GDAP2: variants seen among roughly 807,000 people sequenced by gnomAD.
GDAP2 encodes the protein ganglioside-induced differentiation-associated protein 2.
A neutral mutation model predicts 67.0 loss-of-function variants in GDAP2; 51 were observed. The ratio of observed to expected loss-of-function variants is 0.76; its 90% CI spans 0.61 to 0.96. The LOEUF (loss-of-function observed/expected upper bound fraction) is 0.96, where lower values mean the gene tolerates loss of function less well. GDAP2 is among the 40% of genes least tolerant of loss of function. The pLI is 0.00. For synonymous variants in GDAP2, 203 were observed against 207.3 expected, an observed-to-expected ratio of 0.98 and a Z score of 0.18; for missense variants, 547 against 588.3, an observed-to-expected ratio of 0.93 and a Z score of 0.73.
intron 5 of GDAP2, among the ~76,000 whole-genome samples, chr1:117,910,421 T>C (rs188741456): frequency 2.0e-5 from 3 of 152,294 alleles, no homozygotes; most frequent in Admixed American, 2.0e-4. Flanking sequence ...CTCAGTCTAA[T>C]GTAATGTATA....
rs112579525 is a variant in GDAP2, at chr1:117,878,033, A to C, written c.1422T>G (p.Pro474=). The part of the protein sequence containing the change: ...AISPEQIDFP[P]FVLEYDAREN... ...CCCTGGCATCATATTCAAGGACAAA[A>C]GGAGGAAAGTCAATCTGTTCTGGTG... The change falls in exon 13 of 14, where the codon CCT becomes CCG. Residue 474 remains proline, a synonymous_variant. Coordinates refer to ENST00000369443, the MANE Select transcript of GDAP2 (RefSeq NM_017686.4). 11 of 1,612,946 alleles carry C rather than the reference A, an allele frequency of 6.8e-6. No individual in the cohort carries two copies. Among genetic ancestry groups the C allele is most frequent in the Middle Eastern group, 1.7e-4 (1 of 6,058 alleles).
At chr1:117,889,669 TAA>T (rs769446447) in intron 8 of GDAP2, among the ~76,000 whole-genome samples, 11 of 152,200 alleles carry the variant, frequency 7.2e-5, no homozygotes, top group East Asian at 3.9e-4. Context: ...AATAATTTGT[TAA>T]GAGACAAAAA....
intron 13 of GDAP2, among the ~76,000 whole-genome samples, chr1:117,873,742 A>T (rs1231517919): frequency 1.1e-4 from 17 of 152,186 alleles, no homozygotes; most frequent in Admixed American, 1.1e-3. Flanking sequence ...CAACATATCC[A>T]CCAAGTCTCC....
chr1:117,879,348 T>C (rs1028853097), intron 12 of GDAP2, among the ~76,000 whole-genome samples: 2 of 152,112 alleles, frequency 1.3e-5, no homozygotes, highest in African/African-American at 4.8e-5. Context: ...AGTTCAGGAA[T>C]AGGTGGAAGA....
chr1:117,916,043 T>C (rs1020644953), intron 3 of GDAP2, among the ~76,000 whole-genome samples: 7 of 152,184 alleles, frequency 4.6e-5, no homozygotes, highest in Non-Finnish European at 7.4e-5. Flanking sequence ...CAACTTATAG[T>C]AGTAATAAAA....
At chr1:117,876,667 CAA>C (rs1484193379) in intron 13 of GDAP2, among the ~76,000 whole-genome samples, 1 of 152,046 alleles carries the variant, frequency 6.6e-6, no homozygotes, top group African/African-American at 2.4e-5. Flanking sequence ...ATAAAACAGC[CAA>C]AATACACAAC....
At chr1:117,907,658 C>A (rs1649703920) in intron 5 of GDAP2, among the ~76,000 whole-genome samples, 1 of 152,116 alleles carries the variant, frequency 6.6e-6, no homozygotes, top group African/African-American at 2.4e-5. Flanking sequence ...ACTTTTAATT[C>A]TATTGCTAAT....
In GDAP2 at chr1:117,887,727, A is replaced by G. The variant is rs986371211; in HGVS notation, c.1001T>C (p.Ile334Thr). 9 of 1,578,696 alleles carry G rather than the reference A, an allele frequency of 5.7e-6. No individual in the cohort carries two copies. In the African/African-American group the frequency reaches 6.7e-5, roughly 12 times the overall value. The part of the protein sequence containing the change: ...CQARSEDLSD[I>T]ASLKALYQTG... ...TTGGTATAAGGCTTTTAGAGAAGCA[A>G]TATCAGACAGATCCTCAGATCTTGC... The change falls in exon 9 of 14, where the codon ATT (isoleucine) becomes ACT (threonine). Residue 334 changes from isoleucine to threonine, a missense_variant. Physicochemically the swap from Ile to Thr is moderately conservative, Grantham distance 89. Transcript: ENST00000369443.
rs1570956287 is a variant in GDAP2 at position 117,863,591 on chromosome 1, G to C, written c.*6978C>G. ...CAGCACATCATACAATTTTTAAAAG[G>C]AAATTTAGCTATTTACCCCTCTACA... On this transcript the variant is annotated 3_prime_UTR_variant, in exon 14 of 14. Coordinates refer to ENST00000369443, the MANE Select transcript of GDAP2 (RefSeq NM_017686.4). The C allele has an allele frequency of 6.6e-6, 1 of 152,060 alleles. No individual in the cohort carries two copies. The highest frequency in any genetic ancestry group is 2.4e-5 in the African/African-American group (1 of 41,388). 9.4% of individuals were successfully genotyped at this position (152,060 alleles called of 1,614,324 possible).
chr1:117,911,543 C>T (rs1215956696), intron 5 of GDAP2, among the ~76,000 whole-genome samples: 1 of 151,854 alleles, frequency 6.6e-6, no homozygotes, highest in Admixed American at 6.6e-5. Flanking sequence ...TTTTGGGGGC[C>T]GTCCAATTCA....
chr1:117,917,856 C>T (rs1650104473), intron 3 of GDAP2, among the ~76,000 whole-genome samples: 2 of 152,146 alleles, frequency 1.3e-5, no homozygotes, highest in Admixed American at 6.5e-5. Context: ...TCTTCAATAT[C>T]CTTTCTAGTT....
Position 117,920,305 on chromosome 1 carries a change from C to T in GDAP2, c.53G>A (p.Ser18Asn). The change falls in exon 2 of 14, where the codon AGC becomes AAC. Residue 18 changes from serine (S) to asparagine (N), a missense_variant. Transcript: ENST00000369443. Reference protein sequence around the residue: ...SQFVDVDTLPSWGDSCQDELN... With the variant: ...SQFVDVDTLPNWGDSCQDELN... ...TTCATCTTGGCATGAGTCACCCCAG[C>T]TTGGTAGTGTATCCACATCCACAAA... 1 of 1,609,900 alleles carries T rather than the reference C, an allele frequency of 6.2e-7. No individual in the cohort carries two copies. The highest frequency in any genetic ancestry group is 8.5e-7 in the Non-Finnish European group (1 of 1,177,036).
intron 7 of GDAP2, among the ~76,000 whole-genome samples, chr1:117,898,304 G>C (rs1404331775): frequency 6.6e-6 from 1 of 152,158 alleles, no homozygotes; most frequent in Non-Finnish European, 1.5e-5. Flanking sequence ...AGCAAAGTTT[G>C]GTTTCCAGAT....
At chr1:117,884,138 T>G (rs1648766898) in intron 10 of GDAP2, among the ~76,000 whole-genome samples, 1 of 152,162 alleles carries the variant, frequency 6.6e-6, no homozygotes, top group African/African-American at 2.4e-5. Flanking sequence ...GTGCCTCACA[T>G]GATTCACGTT....
At chr1:117,912,441 AATCTTTAAAAACTGGGGCCTTT>A (rs1220052740) in intron 4 of GDAP2, 67 bp downstream of exon 4, 87 of 1,182,074 alleles carry the variant, frequency 7.4e-5, no homozygotes, top group Middle Eastern at 2.9e-4. Context: ...CTAGGTTTTT[AATCTTTAAAAACTGGGGCCTTT>A]ATCTTTAAAA....
chr1:117,905,123 T>C (rs1431240449), intron 6 of GDAP2, among the ~76,000 whole-genome samples: 2 of 152,336 alleles, frequency 1.3e-5, no homozygotes, highest in South Asian at 2.1e-4. Context: ...TCATTTCTCA[T>C]GTGGAGTACT....
chr1:117,929,424 C>T (rs1650602916), intron 1 of GDAP2, 24 bp downstream of exon 1: 1 of 153,330 alleles, frequency 6.5e-6, no homozygotes, highest in South Asian at 2.1e-4. Flanking sequence ...CGCCTTCCCT[C>T]CCGGCCTCAG....
chr1:117,875,724 A>T (rs909496818), intron 13 of GDAP2, among the ~76,000 whole-genome samples: 1 of 152,136 alleles, frequency 6.6e-6, no homozygotes, highest in Non-Finnish European at 1.5e-5. Flanking sequence ...ATAAAGCCAA[A>T]GGAGATTATT....
At chr1:117,877,863 T>C in intron 13 of GDAP2, 146 bp downstream of exon 13, 1 of 1,280,678 alleles carries the variant, frequency 7.8e-7, no homozygotes. Flanking sequence ...ATAGGGAAAG[T>C]ATGTTAAATG....
Sources: allele counts gnomAD v4.1 joint callset (sites outside exome capture counted in the v4.1 genomes callset), GRCh38; gene constraint gnomAD v4.1.1; transcripts MANE v1.5; gene names NCBI Gene and HGNC (gene_info 2026-07-23, HGNC 2026-07-21).